The following LRP8 variants were observed in gnomAD, a reference collection of about 807,000 sequenced individuals.
LRP8 encodes the protein low-density lipoprotein receptor-related protein 8.
LRP8 carries 46 observed loss-of-function variants against 111.6 expected under a neutral mutation model. That is an observed-to-expected ratio of 0.41 (90% confidence interval 0.33 to 0.53). The LOEUF (loss-of-function observed/expected upper bound fraction) is 0.53. LRP8 is among the 20% of genes least tolerant of loss of function. LRP8 has a pLI of 0.20. For synonymous variants in LRP8, 464 were observed against 511.2 expected, an observed-to-expected ratio of 0.91 and a Z score of 1.24; for missense variants, 959 against 1,297.4, an observed-to-expected ratio of 0.74 and a Z score of 4.01.
Position 53,249,414 on chromosome 1 carries a change from T to C in LRP8, c.2819A>G (p.Asn940Ser). The stretch of plus-strand genomic sequence containing the variant: ...GACGACAGGCAGCTCGGAAAGAGGG[T>C]TCTTCGGGAGTTGGTGCAGCTGTGA... The part of the protein sequence containing the change: ...PRSQLHQLPK[N>S]PLSELPVVKS... The change falls in exon 18 of 19, where the codon AAC becomes AGC. Residue 940 changes from asparagine (N) to serine (S), a missense_variant. By Grantham distance (46) the Asn-to-Ser change is conservative (BLOSUM62 1). Transcript: ENST00000306052. This position sits in a 1 kb window ranked among gnomAD's most constrained non-coding sequence, Gnocchi z 4.1. 6.2e-7 allele frequency: 1 copy of C among 1,614,106 alleles called. No individual in the cohort carries two copies. The highest frequency in any genetic ancestry group is 8.5e-7 in the Non-Finnish European group (1 of 1,180,022).
Position 53,249,347 on chromosome 1 carries a change from C to A in LRP8, c.2853+33G>T, listed in dbSNP as rs201931069. On this transcript the variant is annotated intron_variant, in intron 18 of 18. Coordinates refer to ENST00000306052, the MANE Select transcript of LRP8 (RefSeq NM_004631.5). The surrounding 1 kb of genome is among the most constrained non-coding windows in gnomAD (Gnocchi z 4.1). ...TGCCTTGGTTCATGCCCTCACTCAC[C>A]AGCCCCTCAGACTTAGAGTGGCACT... 6.9e-5 allele frequency: 111 copies of A among 1,605,612 alleles called. No homozygotes were observed. The highest frequency in any genetic ancestry group is 1.2e-4 in the Admixed American group (7 of 59,260).
At chr1:53,311,794 C>A (rs1301579901) in intron 2 of LRP8, among the ~76,000 whole-genome samples, 1 of 152,240 alleles carries the variant, frequency 6.6e-6, no homozygotes, top group African/African-American at 2.4e-5. Flanking sequence ...CCCAGCCACC[C>A]ATGTGGCTTC....
chr1:53,294,335 G>C lies in LRP8; in HGVS notation c.245-4646C>G, dbSNP rs1189547537. On this transcript the variant is annotated intron_variant, in intron 2 of 18. Coordinates refer to ENST00000306052, the MANE Select transcript of LRP8 (RefSeq NM_004631.5). This position sits in a 1 kb window ranked among gnomAD's most constrained non-coding sequence, Gnocchi z 4.1. ...GTGAGGAGGGGCTGACCCCAGGGTA[G>C]AGTAGGGGAGAGTGGGAAATCCAGG... Among the ~76,000 whole-genome samples, 1 of 152,218 alleles carries C rather than the reference G, an allele frequency of 6.6e-6. No individual in the cohort carries two copies. Among genetic ancestry groups the C allele is most frequent in the Admixed American group, 6.5e-5 (1 of 15,288 alleles).
chr1:53,325,377 T>A (rs1327750242), intron 2 of LRP8, among the ~76,000 whole-genome samples: 1 of 152,104 alleles, frequency 6.6e-6, no homozygotes, highest in Non-Finnish European at 1.5e-5. Context: ...ATTAAAGGAG[T>A]TTATACAAGA....
chr1:53,264,465 C>T (rs1416218671), intron 9 of LRP8, 69 bp from the exon 10 acceptor site: 1 of 1,234,486 alleles, frequency 8.1e-7, no homozygotes, highest in Non-Finnish European at 1.2e-6. Flanking sequence ...GCTACCTGTG[C>T]ACCCTTCCCC....
chr1:53,251,984 G>A (rs12408900), intron 16 of LRP8, among the ~76,000 whole-genome samples: 46,526 of 149,464 alleles, frequency 0.31, 8,619 homozygotes, highest in Non-Finnish European at 0.41. Flanking sequence ...CAAGGCTGCA[G>A]TGAGCCACAA....
intron 2 of LRP8, among the ~76,000 whole-genome samples, chr1:53,318,232 C>G (rs1368888155): frequency 6.6e-6 from 1 of 151,422 alleles, no homozygotes; most frequent in South Asian, 2.1e-4. Context: ...CAGTTTTGTA[C>G]TCTTCTGCTT....
intron 2 of LRP8, among the ~76,000 whole-genome samples, chr1:53,311,959 A>G (rs2788032): frequency 6.6e-6 from 1 of 152,060 alleles, no homozygotes; most frequent in Non-Finnish European, 1.5e-5. Flanking sequence ...GACTGCAGAG[A>G]CTCATACAAG....
At position 53,264,150 on chromosome 1, in the gene LRP8, G is replaced by A. The variant is rs754931733; in HGVS notation, c.1655+19C>T. 2.5e-6 allele frequency: 4 copies of A among 1,610,994 alleles called. No individual in the cohort carries two copies. The highest frequency in any genetic ancestry group is 3.4e-6 in the Non-Finnish European group (4 of 1,177,724). On this transcript the variant is annotated intron_variant, in intron 10 of 18. Transcript: ENST00000306052. ...AGCACCTATGGTGGGAGAATGGGAA[G>A]TTCAGTTGGGACACTCACCCTCGCA...
In LRP8 at chr1:53,264,321, G is replaced by A. The variant is rs1646465842; in HGVS notation, c.1503C>T (p.Gly501=). ...GCTTGTGGACCCAGTCCACTGCCAG[G>A]CCCTCTGGAGAGTGCAACTGCTCGT... The part of the protein sequence containing the change: ...LIDEQLHSPE[G]LAVDWVHKHI... Residue 501 remains glycine, a synonymous_variant, in exon 10 of 19, where the codon GGC becomes GGT. Coordinates refer to ENST00000306052, the MANE Select transcript of LRP8 (RefSeq NM_004631.5). The A allele has an allele frequency of 1.9e-6, 3 of 1,614,132 alleles. No homozygotes were observed. The highest frequency in any genetic ancestry group is 2.5e-6 in the Non-Finnish European group (3 of 1,180,006).
At chr1:53,272,425 C>T (rs1312875173) in intron 6 of LRP8, among the ~76,000 whole-genome samples, 1 of 152,122 alleles carries the variant, frequency 6.6e-6, no homozygotes, top group Non-Finnish European at 1.5e-5. Flanking sequence ...GTGCCGCGCC[C>T]CTCTCCCCCT....
At chr1:53,327,672 C>G in intron 1 of LRP8, 117 bp downstream of exon 1, 1 of 1,289,856 alleles carries the variant, frequency 7.8e-7, no homozygotes. Context: ...GGAGCCTGTC[C>G]GCCCGGGAGC....
chr1:53,280,195 TC>T (rs1260332439), intron 4 of LRP8, among the ~76,000 whole-genome samples: 1 of 152,026 alleles, frequency 6.6e-6, no homozygotes, highest in Non-Finnish European at 1.5e-5. Context: ...CCCTCCCTGG[TC>T]CCCCTGCCCT....
chr1:53,288,739 C>T (rs1215066669), intron 3 of LRP8, among the ~76,000 whole-genome samples: 6 of 152,216 alleles, frequency 3.9e-5, no homozygotes, highest in Admixed American at 3.9e-4. Context: ...ATGCTTTTGC[C>T]TGAGCCTTTT....
intron 2 of LRP8, among the ~76,000 whole-genome samples, chr1:53,301,981 A>G (rs549449133): frequency 6.6e-6 from 1 of 152,218 alleles, no homozygotes; most frequent in South Asian, 2.1e-4. Context: ...TCTGGACCCC[A>G]GTGCCTCAGC....
intron 8 of LRP8, 113 bp downstream of exon 8, chr1:53,270,915 C>T (rs1464868496): frequency 2.8e-5 from 42 of 1,502,752 alleles, no homozygotes; most frequent in Middle Eastern, 2.3e-4. Context: ...CTCAGTAACA[C>T]AACCTGCCTT....
At chr1:53,276,645 G>A (rs1479860494) in intron 5 of LRP8, 47 bp downstream of exon 5, 17 of 1,419,926 alleles carry the variant, frequency 1.2e-5, no homozygotes, top group Non-Finnish European at 1.6e-5. Context: ...ATCGGATAGC[G>A]GATCCGCAAT....
At chr1:53,298,274 A>G (rs1650133068) in intron 2 of LRP8, among the ~76,000 whole-genome samples, 1 of 152,304 alleles carries the variant, frequency 6.6e-6, no homozygotes, top group East Asian at 1.9e-4. Flanking sequence ...TCTCCGAGGG[A>G]CAGACCGACA....
At chr1:53,326,447 G>C (rs926490741) in intron 2 of LRP8, among the ~76,000 whole-genome samples, 9 of 152,242 alleles carry the variant, frequency 5.9e-5, no homozygotes, top group Non-Finnish European at 1.3e-4. Flanking sequence ...AACTGAGCAG[G>C]AAAAGGAGCG....
Sources: gnomAD v4.1 joint callset for allele counts (sites outside exome capture counted in the v4.1 genomes callset) on GRCh38, gnomAD v4.1.1 for gene constraint, Gnocchi (gnomAD v3.1) non-coding constraint, MANE v1.5 for transcripts, NCBI Gene and HGNC (gene_info 2026-07-23, HGNC 2026-07-21) for gene names.